Variants in TNS1 observed in about 807,000 individuals in gnomAD.
TNS1 encodes the protein tensin-1.
In TNS1, 62 loss-of-function variants were observed where a neutral mutation model predicts 168.6. The observed-to-expected ratio is 0.37, with a 90% confidence interval of 0.30 to 0.45. TNS1 has a LOEUF of 0.45. TNS1 is among the 20% of genes least tolerant of loss of function. The pLI, the probability that TNS1 is intolerant of heterozygous loss-of-function variation, is 1.00. For missense variants in TNS1, 2,240 were observed against 2,339.4 expected, an observed-to-expected ratio of 0.96 and a Z score of 0.88; for synonymous variants, 934 against 933.2, an observed-to-expected ratio of 1.00 and a Z score of -0.02.
intron 7 of TNS1, among the ~76,000 whole-genome samples, chr2:217,899,106 G>A (rs2125745364): frequency 6.6e-6 from 1 of 152,312 alleles, no homozygotes; most frequent in South Asian, 2.1e-4. Flanking sequence ...GACAGAACAA[G>A]CCCCCAGATG....
At chr2:218,006,940 AG>A (rs1958663790), upstream of TNS1, among the ~76,000 whole-genome samples, 1 of 152,138 alleles carries the variant, frequency 6.6e-6, no homozygotes, top group African/African-American at 2.4e-5. Flanking sequence ...GCGTCAAGAA[AG>A]GTGGCGTGAC....
chr2:217,923,872 C>A (rs558191470), intron 3 of TNS1, among the ~76,000 whole-genome samples: 8 of 152,290 alleles, frequency 5.3e-5, no homozygotes, highest in Admixed American at 1.3e-4. Flanking sequence ...GCCTCCCAGA[C>A]CAGGGCTGAT....
chr2:217,893,412 A>G lies in TNS1; in HGVS notation c.717+27T>C, dbSNP rs766296447. 59 of 1,577,910 alleles carry G rather than the reference A, an allele frequency of 3.7e-5. 2 individuals carry two copies. In the Admixed American group the frequency reaches 3.9e-4, roughly 10 times the overall value. ...CATGTGCGCGCGCGCACACACACAC[A>G]CACACACACACACACACAGCTCTGA... On this transcript the variant is annotated intron_variant, in intron 10 of 32. Coordinates refer to ENST00000682258, the MANE Select transcript of TNS1 (RefSeq NM_001387777.1).
chr2:217,828,910 G>A (rs2571439), intron 22 of TNS1, among the ~76,000 whole-genome samples: 8,267 of 152,262 alleles, frequency 0.054, 772 homozygotes, highest in African/African-American at 0.19. Context: ...AGGGCAAATC[G>A]TGGCTGTAAG....
chr2:217,970,359 TAG>T (rs1452291806), intron 3 of TNS1, among the ~76,000 whole-genome samples: 1 of 152,194 alleles, frequency 6.6e-6, no homozygotes, highest in Non-Finnish European at 1.5e-5. Context: ...ACATTAAACA[TAG>T]AGTTACCCTA....
intron 1 of TNS1, among the ~76,000 whole-genome samples, chr2:218,020,796 C>G (rs1477543804): frequency 6.6e-6 from 1 of 152,102 alleles, no homozygotes; most frequent in Non-Finnish European, 1.5e-5. Flanking sequence ...AGGAGTTCCC[C>G]CAGTGAAGCA....
In TNS1 at chr2:217,961,334, T is replaced by A. The variant is rs569676566; in HGVS notation, c.186+17431A>T. Among the ~76,000 whole-genome samples the A allele has an allele frequency of 3.3e-5, 5 of 152,148 alleles. No individual in the cohort carries two copies. The South Asian group carries it at 1.0e-3, about 32-fold the overall frequency. On this transcript the variant is annotated intron_variant, in intron 3 of 32. Transcript: ENST00000682258. The stretch of plus-strand genomic sequence containing the variant: ...TATGGTTGACCCACTTTGGTCTGTC[T>A]GTTACCCTCTTCCAAACTGCTCAGA...
intron 7 of TNS1, among the ~76,000 whole-genome samples, chr2:217,900,254 A>G (rs1952803584): frequency 6.6e-6 from 1 of 152,240 alleles, no homozygotes; most frequent in South Asian, 2.1e-4. Flanking sequence ...ATAAAGACTC[A>G]GCTCAAGGGC....
intron 7 of TNS1, among the ~76,000 whole-genome samples, chr2:217,898,540 A>G (rs1952565554): frequency 6.6e-6 from 1 of 152,238 alleles, no homozygotes. Context: ...CAGGTAAGCC[A>G]GACCACAGCA....
chr2:217,988,535 TG>T (rs1233376145), intron 2 of TNS1, among the ~76,000 whole-genome samples: 1 of 152,156 alleles, frequency 6.6e-6, no homozygotes, highest in Non-Finnish European at 1.5e-5. Flanking sequence ...GAAGGAACCG[TG>T]GGGAAGGGCC....
At chr2:217,980,496 TAC>T (rs141508769) in intron 2 of TNS1, among the ~76,000 whole-genome samples, 2,645 of 123,922 alleles carry the variant, frequency 0.021, 54 homozygotes, top group African/African-American at 0.051. Context: ...CTCTCTCTCC[TAC>T]ACACACACAG....
chr2:217,900,600 C>T (rs1477746073), intron 6 of TNS1, 88 bp from the exon 7 acceptor site: 2 of 1,335,720 alleles, frequency 1.5e-6, no homozygotes, highest in Non-Finnish European at 2.1e-6. Context: ...CGGGGGCAAA[C>T]ATGATCCTCT....
chr2:217,979,504 C>G (rs550072824), intron 2 of TNS1, among the ~76,000 whole-genome samples: 2 of 150,394 alleles, frequency 1.3e-5, no homozygotes, highest in South Asian at 4.3e-4. Context: ...ACATAAACTT[C>G]ATGTGCATGA....
chr2:217,842,113 G>A (rs1439572770), intron 19 of TNS1: 1 of 702,942 alleles, frequency 1.4e-6, no homozygotes, highest in East Asian at 2.7e-5. Flanking sequence ...CCTCCTGTCT[G>A]TAGCCTTGGA....
intron 12 of TNS1, among the ~76,000 whole-genome samples, chr2:217,888,812 C>T (rs1223992008): frequency 1.3e-5 from 2 of 152,150 alleles, no homozygotes; most frequent in Non-Finnish European, 2.9e-5. Flanking sequence ...TTGTAAATTG[C>T]CCAGTCTTGG....
At chr2:217,836,271 G>A (rs912560233) in intron 19 of TNS1, 60 bp from the exon 20 acceptor site, 24 of 1,504,798 alleles carry the variant, frequency 1.6e-5, no homozygotes, top group South Asian at 3.8e-5. Context: ...ATGATCAATC[G>A]GCCTAATCCC....
intron 21 of TNS1, among the ~76,000 whole-genome samples, chr2:217,834,361 C>T (rs1295360420): frequency 6.6e-6 from 1 of 152,228 alleles, no homozygotes; most frequent in East Asian, 1.9e-4. Context: ...TTGTGCTGAC[C>T]CAGGCCTCTC....
intron 3 of TNS1, among the ~76,000 whole-genome samples, chr2:217,945,928 T>C (rs1044570560): frequency 9.9e-5 from 15 of 152,252 alleles, no homozygotes; most frequent in African/African-American, 3.4e-4. Context: ...GATTGTGCTA[T>C]AAAATTAGAA....
chr2:217,801,373 T>C lies in TNS1; in HGVS notation c.*3086A>G, dbSNP rs1165993242. ...CCCAGCTGAAGGGACATGACCCTCCTCTGCCCTCTTCCCTCCAGACACCCA... is the reference window on the plus strand; with the variant it reads ...CCCAGCTGAAGGGACATGACCCTCCCCTGCCCTCTTCCCTCCAGACACCCA... On this transcript the variant is annotated 3_prime_UTR_variant, in exon 33 of 33. Transcript: ENST00000682258. The C allele has an allele frequency of 1.3e-5, 2 of 152,266 alleles. No homozygotes were observed. Among genetic ancestry groups the C allele is most frequent in the African/African-American group, 4.8e-5 (2 of 41,436 alleles). 9.4% of individuals were successfully genotyped at this position (152,266 alleles called of 1,614,324 possible).
Sources: allele counts gnomAD v4.1 joint callset (sites outside exome capture counted in the v4.1 genomes callset), GRCh38; gene constraint gnomAD v4.1.1; transcripts MANE v1.5; gene names NCBI Gene and HGNC (gene_info 2026-07-23, HGNC 2026-07-21).